The following AGMO variants were observed in gnomAD, a reference collection of about 807,000 sequenced individuals.
AGMO encodes glyceryl-ether monooxygenase.
Under a neutral mutation model 60.2 loss-of-function variants are expected in AGMO, and 75 were observed. The ratio of observed to expected loss-of-function variants is 1.25; its 90% CI spans 1.03 to 1.51. The LOEUF is 1.51. Among genes scored for constraint, AGMO ranks in the 40% most tolerant of loss-of-function variants. The pLI is 0.00. For missense variants in AGMO, 763 were observed against 525.5 expected (o/e 1.45, Z -4.42); for synonymous variants, 261 against 177.1 (o/e 1.47, Z -3.76).
At chr7:15,146,284 G>T in the AGMO span, among the ~76,000 whole-genome samples, 1 of 152,058 alleles carries the variant, frequency 6.6e-6, no homozygotes, top group Non-Finnish European at 1.5e-5. Context: ...AGCTTATTCA[G>T]AAACGGGTTT....
intron 12 of AGMO, among the ~76,000 whole-genome samples, chr7:15,277,530 G>T (rs920295991): frequency 7.0e-6 from 1 of 142,834 alleles, no homozygotes; most frequent in African/African-American, 2.7e-5. Context: ...CATTTGGATT[G>T]GATTTTTTTT....
intron 5 of AGMO, among the ~76,000 whole-genome samples, chr7:15,407,051 A>C (rs1258107068): frequency 6.9e-6 from 1 of 145,272 alleles, no homozygotes; most frequent in Admixed American, 7.0e-5. Context: ...ATATATATGA[A>C]TATACATATA....
chr7:15,235,160 G>C (rs1223050249), intron 12 of AGMO, among the ~76,000 whole-genome samples: 1 of 151,954 alleles, frequency 6.6e-6, no homozygotes, highest in Non-Finnish European at 1.5e-5. Flanking sequence ...CGGGTCCTTT[G>C]AGTTGTGTTT....
chr7:15,288,404 C>T (rs1784162047), intron 12 of AGMO, among the ~76,000 whole-genome samples: 1 of 152,082 alleles, frequency 6.6e-6, no homozygotes, highest in Admixed American at 6.6e-5. Context: ...TTTGTAGATG[C>T]ATTTCTTATC....
chr7:15,343,578 G>C (rs1039104102), intron 12 of AGMO, among the ~76,000 whole-genome samples: 1 of 152,110 alleles, frequency 6.6e-6, no homozygotes, highest in Non-Finnish European at 1.5e-5. Flanking sequence ...TAATTTGAAA[G>C]ATCAAATTAC....
intron 8 of AGMO, among the ~76,000 whole-genome samples, chr7:15,388,456 G>C (rs1367885081): frequency 6.6e-6 from 1 of 152,160 alleles, no homozygotes; most frequent in East Asian, 1.9e-4. Context: ...AATGTGCGTA[G>C]AAGTTATAAT....
intron 12 of AGMO, among the ~76,000 whole-genome samples, chr7:15,345,073 T>C (rs1211204033): frequency 6.6e-6 from 1 of 152,184 alleles, no homozygotes; most frequent in Non-Finnish European, 1.5e-5. Context: ...TCCTGTATTA[T>C]ACCTACCTCC....
intron 12 of AGMO, among the ~76,000 whole-genome samples, chr7:15,225,198 T>C (rs1310943478): frequency 6.6e-6 from 1 of 151,962 alleles, no homozygotes; most frequent in African/African-American, 2.4e-5. Context: ...TCTTCAAAAA[T>C]AAGATTCTTA....
chr7:15,470,559 T>A (rs1440519006), intron 3 of AGMO, among the ~76,000 whole-genome samples: 2 of 152,126 alleles, frequency 1.3e-5, no homozygotes, highest in East Asian at 3.9e-4. Flanking sequence ...CTATATTAAA[T>A]TAAATATGGA....
chr7:15,418,700 C>T (rs749060239), intron 4 of AGMO, 47 bp from the exon 5 acceptor site: 1 of 1,162,914 alleles, frequency 8.6e-7, no homozygotes, highest in Admixed American at 2.5e-5. Context: ...TATGAATTCT[C>T]AATGCTTTGT....
intron 12 of AGMO, among the ~76,000 whole-genome samples, chr7:15,351,292 G>A (rs1055443610): frequency 1.2e-4 from 19 of 152,080 alleles, no homozygotes; most frequent in South Asian, 4.2e-4. Context: ...AAATCTCCCC[G>A]GCTCACTTCT....
chr7:15,248,189 T>TAC lies in AGMO; in HGVS notation c.1264-46831_1264-46830insGT, dbSNP rs1274934941. On this transcript the variant is annotated intron_variant, in intron 12 of 12. Coordinates refer to ENST00000342526, the MANE Select transcript of AGMO (RefSeq NM_001004320.2). ...TCTGTGATCCAGCACCATATATATA[T>TAC]ATATATATATATATATATATATATA... 4.4e-3 allele frequency among the ~76,000 whole-genome samples: 240 copies of TAC among 53,946 alleles called. 12 individuals carry two copies. The South Asian group carries it at 0.06, about 14-fold the overall frequency. The allele number at this position is 53,946 out of a possible 152,430, so 35.4% of individuals were successfully genotyped here. A position where few individuals can be genotyped will look rare whatever the true frequency, so the allele number is the denominator to read the frequency against.
At chr7:15,241,708 A>G (rs902889279) in intron 12 of AGMO, among the ~76,000 whole-genome samples, 2 of 142,054 alleles carry the variant, frequency 1.4e-5, no homozygotes, top group Non-Finnish European at 3.2e-5. Context: ...ACAAAATACT[A>G]AAAATGTAAT....
intron 2 of AGMO, among the ~76,000 whole-genome samples, chr7:15,558,652 C>T (rs535341240): frequency 6.6e-6 from 1 of 152,016 alleles, no homozygotes; most frequent in African/African-American, 2.4e-5. Context: ...CTGCAAAATG[C>T]AACAATTACA....
chr7:15,542,143 T>G (rs1012715040), intron 3 of AGMO, among the ~76,000 whole-genome samples: 6 of 152,146 alleles, frequency 3.9e-5, no homozygotes, highest in Non-Finnish European at 8.8e-5. Context: ...TTTACAGTAT[T>G]ATTTACAAAT....
intron 12 of AGMO, among the ~76,000 whole-genome samples, chr7:15,345,511 G>A (rs1434330014): frequency 6.6e-6 from 1 of 152,138 alleles, no homozygotes; most frequent in African/African-American, 2.4e-5. Flanking sequence ...AGTGTGCTGT[G>A]CATAACATTG....
chr7:15,535,965 C>G (rs937084504), intron 3 of AGMO, among the ~76,000 whole-genome samples: 4 of 151,842 alleles, frequency 2.6e-5, no homozygotes, highest in African/African-American at 9.7e-5. Context: ...GTTAATGTCT[C>G]ATGAACGACT....
At chr7:15,208,391 C>T (rs1433413243) in intron 12 of AGMO, among the ~76,000 whole-genome samples, 1 of 152,108 alleles carries the variant, frequency 6.6e-6, no homozygotes, top group Non-Finnish European at 1.5e-5. Flanking sequence ...CAATAATCTT[C>T]CTCTGGTGCT....
intron 12 of AGMO, among the ~76,000 whole-genome samples, chr7:15,357,787 C>T (rs937151737): frequency 6.6e-6 from 1 of 152,158 alleles, no homozygotes; most frequent in Admixed American, 6.5e-5. Flanking sequence ...TGGAATACTG[C>T]TGAATGAGTA....
Sources: gnomAD v4.1 joint callset for allele counts (sites outside exome capture counted in the v4.1 genomes callset) on GRCh38, gnomAD v4.1.1 for gene constraint, MANE v1.5 for transcripts, NCBI Gene and HGNC (gene_info 2026-07-23, HGNC 2026-07-21) for gene names.